The following RPRD2 variants were observed in gnomAD, a reference collection of about 807,000 sequenced individuals.
RPRD2 encodes the protein regulation of nuclear pre-mRNA domain-containing protein 2.
Under a neutral mutation model 104.4 loss-of-function variants are expected in RPRD2, and 12 were observed. That is an observed-to-expected ratio of 0.11 (90% CI 0.07 to 0.19). The LOEUF is 0.19. RPRD2 is among the 10% of genes least tolerant of loss of function. The probability of loss-of-function intolerance (pLI) is 1.00; values close to 1 mark genes in which losing one functional copy is unlikely to be tolerated. For missense variants in RPRD2, 1,543 were observed against 1,790.1 expected (o/e 0.86, Z 2.49); for synonymous variants, 714 against 684.9 (o/e 1.04, Z -0.66).
intron 7 of RPRD2, among the ~76,000 whole-genome samples, chr1:150,446,833 C>CTTTT (rs782290005): frequency 0.11 from 13,700 of 127,264 alleles, 1,164 homozygotes; most frequent in African/African-American, 0.2. Flanking sequence ...AGACCTGGGT[C>CTTTT]TTTTTTTTTT....
At chr1:150,421,280 AT>A (rs1435287205) in intron 2 of RPRD2, among the ~76,000 whole-genome samples, 5 of 152,244 alleles carry the variant, frequency 3.3e-5, no homozygotes, top group Admixed American at 2.0e-4. Flanking sequence ...AAGACAAAAA[AT>A]AAAAGAAAAA....
intron 2 of RPRD2, among the ~76,000 whole-genome samples, chr1:150,418,048 G>A (rs1260419): frequency 0.6 from 90,869 of 151,414 alleles, 27,772 homozygotes; most frequent in African/African-American, 0.65. Flanking sequence ...GCTCGCTGCA[G>A]CCTCCGCCTC....
At chr1:150,374,745 C>G (rs1432391476) in intron 1 of RPRD2, among the ~76,000 whole-genome samples, 1 of 152,138 alleles carries the variant, frequency 6.6e-6, no homozygotes, top group African/African-American at 2.4e-5. Context: ...TTTGTTTATT[C>G]TCTATTCTCA....
chr1:150,430,467 A>T (rs973211998), intron 2 of RPRD2, among the ~76,000 whole-genome samples: 6 of 152,132 alleles, frequency 3.9e-5, no homozygotes, highest in African/African-American at 1.4e-4. Flanking sequence ...CAGGAGTTCA[A>T]GACCAGCCTG....
intron 1 of RPRD2, among the ~76,000 whole-genome samples, chr1:150,379,185 A>T (rs1660943368): frequency 1.3e-5 from 2 of 150,468 alleles, no homozygotes; most frequent in African/African-American, 4.9e-5. Flanking sequence ...CAGGAGGCTG[A>T]GGCAGGAGAA....
At chr1:150,376,290 A>G (rs1210403093) in intron 1 of RPRD2, among the ~76,000 whole-genome samples, 1 of 152,034 alleles carries the variant, frequency 6.6e-6, no homozygotes, top group South Asian at 2.1e-4. Flanking sequence ...ACTTACTTGC[A>G]CTTTCTAGTT....
intron 1 of RPRD2, among the ~76,000 whole-genome samples, chr1:150,388,870 G>A (rs1553882698): frequency 6.6e-6 from 1 of 151,880 alleles, no homozygotes; most frequent in African/African-American, 2.4e-5. Context: ...CCCTCAAAGT[G>A]CTAGGATACA....
rs776233954 is a variant in RPRD2, at chr1:150,476,489, A to C, written c.*3155A>C. ...GTTCGGTGTGGAAAACAAAACAAGT[A>C]CATGCTTTAGAAGCAACAACAATGA... On this transcript the variant is annotated 3_prime_UTR_variant, in exon 11 of 11. Coordinates refer to ENST00000369068, the MANE Select transcript of RPRD2 (RefSeq NM_015203.5). The C allele has an allele frequency of 6.6e-5, 10 of 152,366 alleles. No individual in the cohort carries two copies. The East Asian group carries it at 1.7e-3, about 26-fold the overall frequency. 9.4% of individuals were successfully genotyped at this position (152,366 alleles called of 1,614,324 possible).
intron 2 of RPRD2, 94 bp from the exon 3 acceptor site, chr1:150,440,829 A>G: frequency 1.4e-6 from 1 of 690,498 alleles, no homozygotes; most frequent in Non-Finnish European, 2.4e-6. Flanking sequence ...AGAAATTTGG[A>G]AAATAATTTT....
chr1:150,470,264 T>C (rs954933868), intron 10 of RPRD2, among the ~76,000 whole-genome samples: 3 of 152,146 alleles, frequency 2.0e-5, no homozygotes, highest in Non-Finnish European at 4.4e-5. Flanking sequence ...TAACTTAAAC[T>C]ATGAATGATT....
intron 1 of RPRD2, among the ~76,000 whole-genome samples, chr1:150,405,730 C>T (rs1663420143): frequency 6.6e-6 from 1 of 152,010 alleles, no homozygotes; most frequent in East Asian, 1.9e-4. Flanking sequence ...TAGAAATAAA[C>T]AGTTCATAAG....
At chr1:150,455,629 TAAA>T (rs59418711) in intron 7 of RPRD2, among the ~76,000 whole-genome samples, 4 of 141,224 alleles carry the variant, frequency 2.8e-5, no homozygotes, top group African/African-American at 5.2e-5. Flanking sequence ...GGACATTAGG[TAAA>T]AAAAAAAAAA....
chr1:150,466,751 T>G (rs1355706452), intron 10 of RPRD2, among the ~76,000 whole-genome samples: 2 of 152,180 alleles, frequency 1.3e-5, no homozygotes, highest in African/African-American at 4.8e-5. Context: ...ACTGCCTGTT[T>G]CTAACCTTTT....
In RPRD2 at chr1:150,472,170, G is replaced by T; in HGVS notation, c.3222G>T (p.Leu1074Phe). Residue 1074 changes from leucine to phenylalanine, a missense_variant, in exon 11 of 11, where the codon TTG becomes TTT. Physicochemically the swap from Leu to Phe is conservative, Grantham distance 22. Coordinates refer to ENST00000369068, the MANE Select transcript of RPRD2 (RefSeq NM_015203.5). ...ETRVSSSCLD[L>F]PDSTEEKGAP... ...GCGTCTCCTCCTCCTGCTTAGACTT[G>T]CCTGATAGCACAGAAGAAAAGGGGG... The T allele has an allele frequency of 1.9e-6, 3 of 1,613,878 alleles. No homozygotes were observed. Among genetic ancestry groups the T allele is most frequent in the South Asian group, 1.1e-5 (1 of 91,070 alleles).
At chr1:150,390,260 G>A (rs920410401) in intron 1 of RPRD2, among the ~76,000 whole-genome samples, 14 of 152,166 alleles carry the variant, frequency 9.2e-5, no homozygotes, top group African/African-American at 3.1e-4. Flanking sequence ...TTGGGAGGCC[G>A]AGGCAGGCAG....
At chr1:150,454,764 CT>C (rs1360527797) in intron 7 of RPRD2, among the ~76,000 whole-genome samples, 1 of 152,066 alleles carries the variant, frequency 6.6e-6, no homozygotes, top group South Asian at 2.1e-4. Context: ...GGGAGGATCG[CT>C]TGAACCTGGG....
At chr1:150,367,888 A>T (rs1553877449) in intron 1 of RPRD2, among the ~76,000 whole-genome samples, 1 of 151,906 alleles carries the variant, frequency 6.6e-6, no homozygotes. Flanking sequence ...ACGTCCAGCT[A>T]ATTTTTGTAT....
rs185244278 is a variant in RPRD2, at chr1:150,407,879, C to T, written c.206-9717C>T. Among the ~76,000 whole-genome samples, 16 of 152,094 alleles carry T rather than the reference C, an allele frequency of 1.1e-4. No individual in the cohort carries two copies. In the East Asian group the frequency reaches 2.7e-3, roughly 26 times the overall value. The stretch of plus-strand genomic sequence containing the variant: ...TTGAAGCCAGAGGGTATGTTATGGA[C>T]GATCTAATCTAAACTAGTTATTTTA... On this transcript the variant is annotated intron_variant, in intron 1 of 10. Coordinates refer to ENST00000369068, the MANE Select transcript of RPRD2 (RefSeq NM_015203.5).
chr1:150,412,451 T>C (rs1664011663), intron 1 of RPRD2, among the ~76,000 whole-genome samples: 1 of 151,988 alleles, frequency 6.6e-6, no homozygotes, highest in Admixed American at 6.6e-5. Flanking sequence ...AATTTAAAAT[T>C]TTGGACGTTT....
Sources: gnomAD v4.1 joint callset for allele counts (sites outside exome capture counted in the v4.1 genomes callset) on GRCh38, gnomAD v4.1.1 for gene constraint, MANE v1.5 for transcripts, NCBI Gene and HGNC (gene_info 2026-07-23, HGNC 2026-07-21) for gene names.